Variants in ACTN1 observed in about 807,000 individuals in gnomAD.
ACTN1 encodes alpha-actinin-1.
In ACTN1, 30 loss-of-function variants were observed where a neutral mutation model predicts 119.6. The ratio of observed to expected loss-of-function variants is 0.25; its 90% CI spans 0.19 to 0.34. The LOEUF (loss-of-function observed/expected upper bound fraction) is 0.34. Among genes scored for constraint, ACTN1 ranks in the 10% least tolerant of loss-of-function variants. The pLI is 1.00. For synonymous variants in ACTN1, 429 were observed against 472.6 expected (o/e 0.91, Z 1.20); for missense variants, 764 against 1,223.4 (o/e 0.62, Z 5.60).
At chr14:68,943,223 TATCAGCAAGCAGGG>T (rs1273291527) in intron 1 of ACTN1, among the ~76,000 whole-genome samples, 1 of 151,966 alleles carries the variant, frequency 6.6e-6, no homozygotes, top group African/African-American at 2.4e-5. Flanking sequence ...GGCGGCAAGG[TATCAGCAAGCAGGG>T]AGCAGCAAGC....
At position 68,979,252 on chromosome 14, in the gene ACTN1, G is replaced by A. The variant is rs932075808; in HGVS notation, c.-196C>T. The A allele has an allele frequency of 3.7e-5, 16 of 434,874 alleles. No homozygotes were observed. Among genetic ancestry groups the A allele is most frequent in the Non-Finnish European group, 6.0e-5 (15 of 249,176 alleles). The allele number at this position is 434,874 out of a possible 1,614,324, so 26.9% of individuals were successfully genotyped here. On this transcript the variant is annotated 5_prime_UTR_variant, in exon 1 of 22. Transcript: ENST00000394419. ...GGCGGCGACAGCGGCGGCTGGGCTC[G>A]CGGACTGCCTGCCTCTGGGCGGGCG...
intron 1 of ACTN1, among the ~76,000 whole-genome samples, chr14:68,948,832 T>A (rs2036033469): frequency 6.6e-6 from 1 of 152,138 alleles, no homozygotes; most frequent in Non-Finnish European, 1.5e-5. Flanking sequence ...AGAGCTGTGA[T>A]CTAGCTGACA....
rs190190833 is a variant in ACTN1, at chr14:68,883,897, C to T, written c.1635+271G>A. On this transcript the variant is annotated intron_variant, in intron 14 of 21. Transcript: ENST00000394419. ...ACAAACATTTGCTTGTGTGCAGAGA[C>T]TGTAGTCAAATTCTTACCTTTGGGG... 3.2e-3 allele frequency among the ~76,000 whole-genome samples: 490 copies of T among 152,276 alleles called. 8 individuals carry two copies. The highest frequency in any genetic ancestry group is 0.028 in the Admixed American group (434 of 15,302).
intron 7 of ACTN1, 108 bp from the exon 8 acceptor site, chr14:68,902,670 TG>T (rs1244699879): frequency 1.1e-6 from 1 of 893,310 alleles, no homozygotes; most frequent in Admixed American, 2.3e-5. Context: ...CTTGCCAAAA[TG>T]TGGAGCCCGA....
chr14:68,920,579 G>A (rs956984280), intron 3 of ACTN1, among the ~76,000 whole-genome samples: 3 of 152,124 alleles, frequency 2.0e-5, no homozygotes, highest in Non-Finnish European at 2.9e-5. Context: ...TAGAGGCTTC[G>A]GGACTTCAGT....
At chr14:68,891,854 G>A (rs1007353182) in intron 10 of ACTN1, among the ~76,000 whole-genome samples, 199 bp downstream of exon 10, 2 of 152,196 alleles carry the variant, frequency 1.3e-5, no homozygotes, top group African/African-American at 2.4e-5. Context: ...TGGGCAGAGG[G>A]GGCTGCCCCA....
chr14:68,887,448 A>T, intron 11 of ACTN1: 3 of 931,996 alleles, frequency 3.2e-6, no homozygotes, highest in Non-Finnish European at 4.4e-6. Flanking sequence ...CTGACTCCAT[A>T]TTGCCATTTA....
intron 7 of ACTN1, among the ~76,000 whole-genome samples, chr14:68,903,227 T>C (rs2033452835): frequency 6.6e-6 from 1 of 152,220 alleles, no homozygotes; most frequent in South Asian, 2.1e-4. Context: ...TTCTTTCTGC[T>C]TTTGCCTGGG....
chr14:68,901,775 T>C (rs1399479804), intron 8 of ACTN1, among the ~76,000 whole-genome samples: 1 of 152,192 alleles, frequency 6.6e-6, no homozygotes, highest in Non-Finnish European at 1.5e-5. Context: ...CCCTGTGTGG[T>C]GCAGAACCTG....
intron 2 of ACTN1, among the ~76,000 whole-genome samples, chr14:68,923,581 G>C (rs2034764591): frequency 6.6e-6 from 1 of 151,996 alleles, no homozygotes; most frequent in Admixed American, 6.6e-5. Context: ...AGGCTGAGGT[G>C]GGAGGATCAC....
At chr14:68,884,494 T>C (rs2031831024) in intron 13 of ACTN1, among the ~76,000 whole-genome samples, 186 bp from the exon 14 acceptor site, 1 of 151,962 alleles carries the variant, frequency 6.6e-6, no homozygotes, top group Admixed American at 6.5e-5. Flanking sequence ...GGTCCCAGAG[T>C]CTGGTGTGTA....
rs758286195 is a variant in ACTN1, at chr14:68,953,722, CA to C, written c.105+25229del. ...TGAAACCCCATCTCTACTAAAAATA[CA>C]AAAAAAAAAAAAAATTAGCTAGGCG... is the stretch of plus-strand genomic sequence containing the variant. On this transcript the variant is annotated intron_variant, in intron 1 of 21. Transcript: ENST00000394419. Among the ~76,000 whole-genome samples, 1,038 of 129,262 alleles carry C rather than the reference CA, an allele frequency of 8.0e-3. 6 individuals are homozygous for C. The highest frequency in any genetic ancestry group is 0.016 in the Middle Eastern group (4 of 258). 84.8% of individuals were successfully genotyped at this position (129,262 alleles called of 152,430 possible). A position where few individuals can be genotyped will look rare whatever the true frequency, so the allele number is the denominator to read the frequency against.
At position 68,904,708 on chromosome 14, in the gene ACTN1, G is replaced by A; in HGVS notation, c.623C>T (p.Ala208Val). ...KDDPLTNLNT[A>V]FDVAEKYLDI... ...CAGGTACTTCTCTGCCACGTCAAAA[G>A]CCGTATTCAGATTTGTGAGTGGATC... is the stretch of plus-strand genomic sequence containing the variant. Residue 208 changes from alanine to valine, a missense_variant, in exon 7 of 22, where the codon GCT (alanine) becomes GTT (valine). Coordinates refer to ENST00000394419, the MANE Select transcript of ACTN1 (RefSeq NM_001130004.2). 1 of 1,614,104 alleles carries A rather than the reference G, an allele frequency of 6.2e-7. No homozygotes were observed. The highest frequency in any genetic ancestry group is 8.5e-7 in the Non-Finnish European group (1 of 1,179,950).
At position 68,909,815 on chromosome 14, in the gene ACTN1, C is replaced by G; in HGVS notation, c.515+140G>C. 2 of 688,560 alleles carry G rather than the reference C, an allele frequency of 2.9e-6. No homozygotes were observed. Among genetic ancestry groups the G allele is most frequent in the Non-Finnish European group, 5.0e-6 (2 of 396,914 alleles). 42.7% of individuals were successfully genotyped at this position (688,560 alleles called of 1,614,324 possible). On this transcript the variant is annotated intron_variant, in intron 5 of 21. Transcript: ENST00000394419. The surrounding 1 kb of genome is among the most constrained non-coding windows in gnomAD (Gnocchi z 4.1). Reference sequence around the variant, plus strand: ...GGGGATTCAGAGCGATGGCGACATCCCCTTCCCAAGGAAAGCTACTTCTTC... The same window carrying G: ...GGGGATTCAGAGCGATGGCGACATCGCCTTCCCAAGGAAAGCTACTTCTTC...
At chr14:68,945,122 C>T (rs183761042) in intron 1 of ACTN1, among the ~76,000 whole-genome samples, 1 of 148,482 alleles carries the variant, frequency 6.7e-6, no homozygotes, top group Admixed American at 6.7e-5. Context: ...GCCTATTGCA[C>T]CACTACACTC....
chr14:68,902,798 C>T (rs183068208), intron 7 of ACTN1, among the ~76,000 whole-genome samples: 7 of 152,230 alleles, frequency 4.6e-5, no homozygotes, highest in Admixed American at 3.9e-4. Context: ...TACAGGACAG[C>T]GGCCCCATTT....
At chr14:68,943,077 C>T (rs2035817978) in intron 1 of ACTN1, among the ~76,000 whole-genome samples, 1 of 152,138 alleles carries the variant, frequency 6.6e-6, no homozygotes, top group Non-Finnish European at 1.5e-5. Context: ...CACCCAGGCC[C>T]AGGACAATGT....
chr14:68,975,864 T>C (rs545661423), intron 1 of ACTN1, among the ~76,000 whole-genome samples: 1 of 152,316 alleles, frequency 6.6e-6, no homozygotes, highest in South Asian at 2.1e-4. Context: ...TCTTGAGTCA[T>C]GCCTCCTGCC....
chr14:68,911,117 G>A (rs1469243739), intron 4 of ACTN1, among the ~76,000 whole-genome samples: 3 of 152,116 alleles, frequency 2.0e-5, no homozygotes, highest in Non-Finnish European at 4.4e-5. Context: ...CACACAAAAT[G>A]GACTTTAAAA....
Sources: allele counts gnomAD v4.1 joint callset (sites outside exome capture counted in the v4.1 genomes callset), GRCh38; gene constraint gnomAD v4.1.1; non-coding constraint Gnocchi (gnomAD v3.1); transcripts MANE v1.5; gene names NCBI Gene and HGNC (gene_info 2026-07-23, HGNC 2026-07-21).